Variants in DMD observed in about 807,000 individuals in gnomAD.
The protein encoded by DMD is mutant dystrophin.
In DMD, 63 loss-of-function variants were observed where a neutral mutation model predicts 330.1. The ratio of observed to expected loss-of-function variants is 0.19; its 90% confidence interval spans 0.16 to 0.24. DMD has a LOEUF of 0.24. Among genes scored for constraint, DMD ranks in the 10% least tolerant of loss-of-function variants. DMD has a pLI of 1.00. For missense variants in DMD, 3,344 were observed against 2,684.1 expected (o/e 1.25, Z -5.43); for synonymous variants, 1,223 against 959.8 (o/e 1.27, Z -5.07).
chrX:32,632,543 C>G (rs763451451), intron 11 of DMD, among the ~76,000 whole-genome samples: 1 of 112,662 alleles, frequency 8.9e-6, no homozygotes, highest in Admixed American at 9.3e-5. Flanking sequence ...GCCCCTGGAG[C>G]AGGCTTCTGC....
intron 44 of DMD, among the ~76,000 whole-genome samples, chrX:32,181,733 G>C (rs779869950): frequency 5.4e-5 from 6 of 111,152 alleles, no homozygotes; most frequent in African/African-American, 1.6e-4. Context: ...TAACAGAAAA[G>C]GATACAGTAA....
chrX:32,035,412 T>C (rs947845225), intron 44 of DMD: 11 of 139,312 alleles, frequency 7.9e-5, no homozygotes, highest in African/African-American at 3.5e-4. Context: ...AACTCTTTAG[T>C]TATTTGGGAA....
At chrX:32,301,110 C>A (rs992133932) in intron 42 of DMD, among the ~76,000 whole-genome samples, 62 of 107,037 alleles carry the variant, frequency 5.8e-4, no homozygotes, top group African/African-American at 1.9e-3. Flanking sequence ...TTATATATAA[C>A]TAATACTTCT....
At chrX:32,851,968 G>A (rs915102622) in intron 2 of DMD, among the ~76,000 whole-genome samples, 1 of 111,153 alleles carries the variant, frequency 9.0e-6, no homozygotes, top group Non-Finnish European at 1.9e-5. Flanking sequence ...AACTTCAAAG[G>A]GAGTCTAGGC....
chrX:31,264,083 A>T (rs931641836), intron 62 of DMD, among the ~76,000 whole-genome samples: 17 of 112,207 alleles, frequency 1.5e-4, no homozygotes, highest in Non-Finnish European at 1.9e-5. Flanking sequence ...CATAACTCAT[A>T]TCTATCTTGT....
chrX:32,737,506 G>T (rs1170329361), intron 7 of DMD, among the ~76,000 whole-genome samples: 6 of 111,222 alleles, frequency 5.4e-5, no homozygotes, highest in Non-Finnish European at 5.7e-5. Flanking sequence ...CACAAGTCTT[G>T]AAAACTAAAC....
At chrX:31,749,206 A>G (rs192614808) in intron 51 of DMD, among the ~76,000 whole-genome samples, 3 of 108,321 alleles carry the variant, frequency 2.8e-5, no homozygotes, top group Non-Finnish European at 5.7e-5. Context: ...GGTTAGTTAC[A>G]TATGTATACA....
At chrX:31,300,009 C>T (rs1002196624) in intron 62 of DMD, among the ~76,000 whole-genome samples, 5 of 111,448 alleles carry the variant, frequency 4.5e-5, no homozygotes, top group African/African-American at 1.6e-4. Flanking sequence ...ATTGAGTTAC[C>T]TTAAAATAAA....
chrX:32,669,553 C>G lies in DMD; in HGVS notation c.961-24401G>C, dbSNP rs1427614678. 2.7e-5 allele frequency among the ~76,000 whole-genome samples: 3 copies of G among 111,614 alleles called. No homozygotes were observed. In the East Asian group the frequency reaches 8.5e-4, roughly 32 times the overall value. On this transcript the variant is annotated intron_variant, in intron 9 of 78. Coordinates refer to ENST00000357033, the MANE Select transcript of DMD (RefSeq NM_004006.3). ...TTTTTTCTCTGTGAAATTTCATGTA[C>G]TTTTTGGGATTACTCTGTTATCTCT...
At chrX:31,989,829 C>A (rs1441496660) in intron 44 of DMD, among the ~76,000 whole-genome samples, 4 of 110,560 alleles carry the variant, frequency 3.6e-5, no homozygotes, top group Non-Finnish European at 7.6e-5. Context: ...TTAATGTAGA[C>A]TCAGGGGTAC....
intron 55 of DMD, among the ~76,000 whole-genome samples, chrX:31,619,562 C>T (rs188124083): frequency 1.6e-3 from 178 of 111,679 alleles, no homozygotes; most frequent in Middle Eastern, 4.7e-3. Context: ...CTTATAAGAT[C>T]CTCACAAAAG....
chrX:31,569,631 C>T (rs1162280313), intron 55 of DMD, among the ~76,000 whole-genome samples: 12 of 96,609 alleles, frequency 1.2e-4, no homozygotes, highest in African/African-American at 3.1e-4. Flanking sequence ...TACGTATATA[C>T]GTATATATAT....
chrX:32,935,639 T>C (rs975729437), intron 2 of DMD, among the ~76,000 whole-genome samples: 1 of 112,003 alleles, frequency 8.9e-6, no homozygotes, highest in African/African-American at 3.2e-5. Flanking sequence ...CTAAATTAAT[T>C]CTTTAATCCT....
At chrX:32,724,995 A>T (rs1350515333) in intron 7 of DMD, among the ~76,000 whole-genome samples, 1 of 111,825 alleles carries the variant, frequency 8.9e-6, no homozygotes, top group African/African-American at 3.2e-5. Context: ...CGTAAATAAC[A>T]CAGCCTCAAG....
intron 7 of DMD, among the ~76,000 whole-genome samples, chrX:32,735,998 A>C (rs1176283308): frequency 9.0e-6 from 1 of 111,717 alleles, no homozygotes; most frequent in African/African-American, 3.3e-5. Flanking sequence ...AATGGGAGAA[A>C]ATTTTTGCAA....
chrX:31,898,174 G>A (rs1442532578), intron 47 of DMD, among the ~76,000 whole-genome samples: 10 of 110,356 alleles, frequency 9.1e-5, no homozygotes, highest in East Asian at 2.9e-4. Flanking sequence ...AATCAATATC[G>A]TGAAAATGGT....
chrX:32,519,976 T>C (rs1410881174), intron 17 of DMD, among the ~76,000 whole-genome samples: 1 of 111,800 alleles, frequency 8.9e-6, no homozygotes, highest in Non-Finnish European at 1.9e-5. Flanking sequence ...TTGACCTCAA[T>C]ACCATGGGTC....
At chrX:32,713,149 G>A (rs760290790) in intron 7 of DMD, among the ~76,000 whole-genome samples, 7 of 111,862 alleles carry the variant, frequency 6.3e-5, no homozygotes, top group Non-Finnish European at 1.1e-4. Context: ...TCACCTGTTT[G>A]AAAATAATTT....
intron 2 of DMD, among the ~76,000 whole-genome samples, chrX:33,009,506 GTA>G (rs1488979988): frequency 6.5e-5 from 6 of 91,853 alleles, no homozygotes; most frequent in South Asian, 5.0e-4. Flanking sequence ...ATGTATATGT[GTA>G]TATACACATA....
Sources: allele counts gnomAD v4.1 joint callset (sites outside exome capture counted in the v4.1 genomes callset), GRCh38; gene constraint gnomAD v4.1.1; transcripts MANE v1.5; gene names NCBI Gene and HGNC (gene_info 2026-07-23, HGNC 2026-07-21).